The following AP4E1 variants were observed in gnomAD, a reference collection of about 807,000 sequenced individuals.
AP4E1 encodes the protein AP-4 complex subunit epsilon-1.
In AP4E1, 56 loss-of-function variants were observed where a neutral mutation model predicts 128.2. That is an observed-to-expected ratio of 0.44 (90% confidence interval 0.35 to 0.55). The LOEUF is 0.55. AP4E1 is among the 20% of genes least tolerant of loss of function. The pLI is 0.00. For missense variants in AP4E1, 1,324 were observed against 1,307.7 expected (o/e 1.01, Z -0.19); for synonymous variants, 484 against 473.1 (o/e 1.02, Z -0.30).
chr15:50,949,210 C>T (rs536527368), intron 11 of AP4E1, among the ~76,000 whole-genome samples: 45 of 150,712 alleles, frequency 3.0e-4, no homozygotes, highest in African/African-American at 1.0e-3. Context: ...CAGGAGTTCA[C>T]GACCAGCCTG....
At chr15:50,992,828 G>A (rs1026733607) in intron 16 of AP4E1, among the ~76,000 whole-genome samples, 1 of 152,130 alleles carries the variant, frequency 6.6e-6, no homozygotes, top group African/African-American at 2.4e-5. Flanking sequence ...TTTATGGGGA[G>A]CATGTATTCA....
intron 14 of AP4E1, among the ~76,000 whole-genome samples, chr15:50,968,062 C>T (rs1050134370): frequency 4.6e-5 from 7 of 152,108 alleles, no homozygotes; most frequent in African/African-American, 7.2e-5. Context: ...TCAAGTGATC[C>T]GCCCATTTCA....
At chr15:50,959,330 C>T (rs1175562523) in intron 14 of AP4E1, among the ~76,000 whole-genome samples, 1 of 152,028 alleles carries the variant, frequency 6.6e-6, no homozygotes, top group Non-Finnish European at 1.5e-5. Context: ...AGTATCAAGT[C>T]ACACATATAA....
chr15:50,927,134 T>A (rs545740874), intron 5 of AP4E1, among the ~76,000 whole-genome samples: 4 of 152,362 alleles, frequency 2.6e-5, no homozygotes, highest in Admixed American at 1.3e-4. Flanking sequence ...TTACCACTAC[T>A]TTTGTGGTGA....
At chr15:50,923,781 C>T (rs2063736203) in intron 3 of AP4E1, 150 bp from the exon 4 acceptor site, 1 of 640,684 alleles carries the variant, frequency 1.6e-6, no homozygotes, top group Admixed American at 2.5e-5. Context: ...ATCTTCCTTA[C>T]TGAAGGTTTT....
At chr15:50,976,585 C>T (rs577460072) in intron 15 of AP4E1, among the ~76,000 whole-genome samples, 1 of 152,238 alleles carries the variant, frequency 6.6e-6, no homozygotes, top group South Asian at 2.1e-4. Context: ...AAAATTGTTC[C>T]TCTTTGCAGA....
intron 19 of AP4E1, among the ~76,000 whole-genome samples, chr15:51,000,321 TG>T (rs1007579583): frequency 2.6e-5 from 4 of 151,978 alleles, no homozygotes; most frequent in African/African-American, 9.7e-5. Context: ...TTGTGTTTTT[TG>T]TAGAGATAGG....
At chr15:50,953,893 G>A (rs994574184) in intron 13 of AP4E1, among the ~76,000 whole-genome samples, 2 of 152,136 alleles carry the variant, frequency 1.3e-5, no homozygotes, top group Non-Finnish European at 2.9e-5. Flanking sequence ...AGTGATGGTC[G>A]CAGTGCGTGA....
rs774638597 is a variant in AP4E1 at position 50,984,101 on chromosome 15, T to C, written c.2046T>C (p.Leu682=). ...GACAGTCTCCTGCTGGCATTTCTCTTGGTTCAGATGTATCTGGGAATAGTG... is the reference window on the plus strand; with the variant it reads ...GACAGTCTCCTGCTGGCATTTCTCTCGGTTCAGATGTATCTGGGAATAGTG... ...TGRQSPAGIS[L]GSDVSGNSAE... Residue 682 remains leucine (L), a synonymous_variant, in exon 16 of 21, where the codon CTT becomes CTC. Coordinates refer to ENST00000261842, the MANE Select transcript of AP4E1 (RefSeq NM_007347.5). 6.2e-7 allele frequency: 1 copy of C among 1,613,552 alleles called. No homozygotes were observed. The highest frequency in any genetic ancestry group is 1.1e-5 in the South Asian group (1 of 91,078).
At chr15:50,956,915 C>T (rs917033033) in intron 13 of AP4E1, among the ~76,000 whole-genome samples, 4 of 152,168 alleles carry the variant, frequency 2.6e-5, no homozygotes, top group Non-Finnish European at 4.4e-5. Context: ...CTCAACCCCT[C>T]GCGGGAGGGT....
intron 15 of AP4E1, among the ~76,000 whole-genome samples, chr15:50,979,355 G>A (rs1287560239): frequency 2.6e-5 from 4 of 152,158 alleles, no homozygotes; most frequent in Non-Finnish European, 4.4e-5. Flanking sequence ...ATTGATTAAT[G>A]TCATTATCAT....
intron 15 of AP4E1, among the ~76,000 whole-genome samples, chr15:50,980,445 A>G (rs191406721): frequency 8.5e-4 from 129 of 152,356 alleles, no homozygotes; most frequent in African/African-American, 3.0e-3. Flanking sequence ...TGACTTAAAG[A>G]TGGAATTTAT....
At chr15:50,914,020 A>G (rs2063598295) in intron 2 of AP4E1, among the ~76,000 whole-genome samples, 1 of 152,038 alleles carries the variant, frequency 6.6e-6, no homozygotes, top group Admixed American at 6.6e-5. Context: ...GGGTTTCACC[A>G]TGTTGGTCAG....
chr15:50,971,565 A>G (rs904532865), intron 15 of AP4E1, among the ~76,000 whole-genome samples: 2 of 152,134 alleles, frequency 1.3e-5, no homozygotes, highest in African/African-American at 4.8e-5. Context: ...TCCTTCTGAA[A>G]TGCCCATAAT....
At chr15:50,983,290 AG>A (rs1567254706) in intron 15 of AP4E1, among the ~76,000 whole-genome samples, 2 of 152,224 alleles carry the variant, frequency 1.3e-5, no homozygotes, top group African/African-American at 4.8e-5. Context: ...GGGAAGAGAA[AG>A]GGGGAGAAGA....
chr15:50,912,700 C>A (rs980180142), intron 2 of AP4E1, among the ~76,000 whole-genome samples: 1 of 150,998 alleles, frequency 6.6e-6, no homozygotes, highest in Non-Finnish European at 1.5e-5. Flanking sequence ...CTCTGTTGCC[C>A]AAGCTGGAGT....
chr15:50,977,709 T>TTTGTTTTG (rs2064573648), intron 15 of AP4E1, among the ~76,000 whole-genome samples: 1 of 89,430 alleles, frequency 1.1e-5, no homozygotes, highest in African/African-American at 3.6e-5. Context: ...TGTTATGGTT[T>TTTGTTTTG]TTTTTTTTTT....
chr15:50,956,275 T>C (rs1342951042), intron 13 of AP4E1, among the ~76,000 whole-genome samples: 5 of 152,194 alleles, frequency 3.3e-5, no homozygotes, highest in Non-Finnish European at 5.9e-5. Context: ...ATTATCATAC[T>C]GTTTAAGGAT....
At chr15:50,929,304 G>T in intron 6 of AP4E1, 136 bp downstream of exon 6, 1 of 979,238 alleles carries the variant, frequency 1.0e-6, no homozygotes. Context: ...TGAATTAGTA[G>T]TTTTGCAAGT....
Sources: allele counts gnomAD v4.1 joint callset (sites outside exome capture counted in the v4.1 genomes callset), GRCh38; gene constraint gnomAD v4.1.1; transcripts MANE v1.5; gene names NCBI Gene and HGNC (gene_info 2026-07-23, HGNC 2026-07-21).